Variants in CNOT2 observed in about 807,000 individuals in gnomAD.
The protein encoded by CNOT2 is CCR4-NOT transcription complex subunit 2, also known as CC chemokine receptor 4-negative regulator of transcription 2.
CNOT2 carries 7 observed loss-of-function variants against 72.1 expected under a neutral mutation model. The ratio of observed to expected loss-of-function variants is 0.10; its 90% confidence interval spans 0.06 to 0.18. The LOEUF (loss-of-function observed/expected upper bound fraction) is 0.18, where lower values mean the gene tolerates loss of function less well. Ranked by LOEUF, CNOT2 falls within the 10% of genes least tolerant of loss-of-function variation. The probability of loss-of-function intolerance (pLI) is 1.00; values close to 1 mark genes in which losing one functional copy is unlikely to be tolerated. For synonymous variants in CNOT2, 196 were observed against 225.6 expected, an observed-to-expected ratio of 0.87 and a Z score of 1.17; for missense variants, 345 against 660.3, an observed-to-expected ratio of 0.52 and a Z score of 5.23.
At chr12:70,257,187 T>C (rs1958497277) in intron 1 of CNOT2, among the ~76,000 whole-genome samples, 1 of 152,198 alleles carries the variant, frequency 6.6e-6, no homozygotes, top group Non-Finnish European at 1.5e-5. Context: ...AGCCAATTGC[T>C]GTGTCCTTAG....
At chr12:70,341,682 A>G (rs1439230847) in intron 11 of CNOT2, among the ~76,000 whole-genome samples, 1 of 152,194 alleles carries the variant, frequency 6.6e-6, no homozygotes, top group Non-Finnish European at 1.5e-5. Flanking sequence ...TAAATATTTG[A>G]TGAATTTAAA....
intron 2 of CNOT2, among the ~76,000 whole-genome samples, chr12:70,298,630 T>C (rs1873250944): frequency 6.6e-6 from 1 of 152,212 alleles, no homozygotes; most frequent in Non-Finnish European, 1.5e-5. Flanking sequence ...TAAAGTGTTT[T>C]CAGAGACTGT....
At chr12:70,323,440 G>A (rs186697479) in intron 4 of CNOT2, 1 of 151,836 alleles carries the variant, frequency 6.6e-6, no homozygotes, top group Admixed American at 6.6e-5. Flanking sequence ...AGGTTATTTG[G>A]ATGTTTCAGA....
chr12:70,337,609 G>C, intron 9 of CNOT2, 96 bp downstream of exon 9: 1 of 1,198,616 alleles, frequency 8.3e-7, no homozygotes, highest in South Asian at 1.3e-5. Flanking sequence ...TTACAAAACT[G>C]TTTTATCTTG....
chr12:70,314,121 A>G (rs1287892764), intron 3 of CNOT2, among the ~76,000 whole-genome samples: 1 of 152,150 alleles, frequency 6.6e-6, no homozygotes, highest in Non-Finnish European at 1.5e-5. Context: ...GCGTTTTAAT[A>G]GGGTTTTGCA....
At chr12:70,320,602 C>G (rs1373222610) in intron 4 of CNOT2, among the ~76,000 whole-genome samples, 3 of 151,596 alleles carry the variant, frequency 2.0e-5, no homozygotes, top group African/African-American at 7.3e-5. Flanking sequence ...CTATTATTAG[C>G]TAGTAATTTA....
intron 1 of CNOT2, among the ~76,000 whole-genome samples, chr12:70,252,948 G>A (rs1958221197): frequency 6.6e-6 from 1 of 152,096 alleles, no homozygotes; most frequent in South Asian, 2.1e-4. Flanking sequence ...ATTTCATAGA[G>A]TGCACTATAC....
intron 2 of CNOT2, among the ~76,000 whole-genome samples, chr12:70,303,389 T>G (rs895734407): frequency 2.0e-5 from 3 of 152,152 alleles, no homozygotes; most frequent in African/African-American, 7.2e-5. Context: ...GCTTCCTTCA[T>G]GAGCTATTTT....
intron 13 of CNOT2, among the ~76,000 whole-genome samples, chr12:70,342,852 T>C (rs946368630): frequency 6.6e-6 from 1 of 152,192 alleles, no homozygotes; most frequent in African/African-American, 2.4e-5. Context: ...CCAAAAAATA[T>C]TCACAATGGT....
At chr12:70,327,543 T>A (rs1053748936) in intron 4 of CNOT2, 4 of 151,822 alleles carry the variant, frequency 2.6e-5, no homozygotes, top group Admixed American at 2.0e-4. Flanking sequence ...CTTACCTGTG[T>A]GTAAAATGGG....
intron 1 of CNOT2, among the ~76,000 whole-genome samples, chr12:70,257,121 A>G (rs1375609084): frequency 2.6e-5 from 4 of 152,132 alleles, no homozygotes; most frequent in Admixed American, 6.5e-5. Context: ...AGAAATTTCT[A>G]TAAGTACAAT....
intron 2 of CNOT2, among the ~76,000 whole-genome samples, chr12:70,306,848 T>C (rs1012280928): frequency 3.9e-5 from 6 of 152,220 alleles, no homozygotes; most frequent in African/African-American, 1.4e-4. Flanking sequence ...CTTTTGTGAA[T>C]GTGGACCATA....
At chr12:70,266,576 T>A (rs1565745237) in intron 1 of CNOT2, among the ~76,000 whole-genome samples, 1 of 152,238 alleles carries the variant, frequency 6.6e-6, no homozygotes, top group Non-Finnish European at 1.5e-5. Context: ...GGTCAGTTTC[T>A]CCTTTCAGGC....
At chr12:70,295,196 A>G (rs1026768739) in intron 2 of CNOT2, among the ~76,000 whole-genome samples, 2 of 152,186 alleles carry the variant, frequency 1.3e-5, no homozygotes, top group Non-Finnish European at 2.9e-5. Context: ...AGACATTCAC[A>G]TTAAACCCAA....
intron 2 of CNOT2, among the ~76,000 whole-genome samples, chr12:70,307,040 T>C (rs1875541630): frequency 6.6e-6 from 1 of 152,164 alleles, no homozygotes; most frequent in Non-Finnish European, 1.5e-5. Flanking sequence ...GGTTACACCT[T>C]TATAGGGCAC....
intron 2 of CNOT2, among the ~76,000 whole-genome samples, chr12:70,310,581 T>C (rs1269467028): frequency 6.6e-6 from 1 of 152,016 alleles, no homozygotes; most frequent in Non-Finnish European, 1.5e-5. Flanking sequence ...ACTTAATTTT[T>C]AAAAAATCTA....
chr12:70,245,281 T>G (rs1309159975), intron 1 of CNOT2, among the ~76,000 whole-genome samples: 1 of 152,194 alleles, frequency 6.6e-6, no homozygotes, highest in African/African-American at 2.4e-5. Flanking sequence ...ACAAAACATG[T>G]TCCACTCTAC....
At chr12:70,275,946 A>G (rs1868714384) in intron 1 of CNOT2, among the ~76,000 whole-genome samples, 1 of 151,914 alleles carries the variant, frequency 6.6e-6, no homozygotes, top group South Asian at 2.1e-4. Context: ...GTCTTCAGTC[A>G]TTTTTCTTTT....
At chr12:70,280,893 T>A (rs1353960535) in intron 2 of CNOT2, among the ~76,000 whole-genome samples, 1 of 152,214 alleles carries the variant, frequency 6.6e-6, no homozygotes, top group African/African-American at 2.4e-5. Context: ...TTAGTTCAGA[T>A]AAAACAATTT....
Sources: allele counts gnomAD v4.1 joint callset (sites outside exome capture counted in the v4.1 genomes callset), GRCh38; gene constraint gnomAD v4.1.1; transcripts MANE v1.5; gene names NCBI Gene and HGNC (gene_info 2026-07-23, HGNC 2026-07-21).